Variants in CYP2C8 observed in about 807,000 individuals in gnomAD.
CYP2C8 encodes cytochrome P450 family 2 subfamily C member 8.
CYP2C8 carries 51 observed loss-of-function variants against 41.3 expected under a neutral mutation model. The observed-to-expected ratio is 1.24, with a 90% CI of 0.99 to 1.56. The LOEUF (loss-of-function observed/expected upper bound fraction) is 1.56, where lower values mean the gene tolerates loss of function less well. Among genes scored for constraint, CYP2C8 ranks in the 40% most tolerant of loss-of-function variants. The pLI, the probability that CYP2C8 is intolerant of heterozygous loss-of-function variation, is 0.00. For missense variants in CYP2C8, 651 were observed against 579.9 expected, an observed-to-expected ratio of 1.12 and a Z score of -1.26; for synonymous variants, 218 against 205.8, an observed-to-expected ratio of 1.06 and a Z score of -0.51.
At chr10:95,047,172 A>C (rs906800958) in intron 5 of CYP2C8, among the ~76,000 whole-genome samples, 9 of 152,224 alleles carry the variant, frequency 5.9e-5, no homozygotes, top group African/African-American at 1.7e-4. Flanking sequence ...GAGCAGATGC[A>C]AGCATCATGC....
intron 7 of CYP2C8, 97 bp from the exon 8 acceptor site, chr10:95,039,135 T>C: frequency 8.7e-7 from 1 of 1,154,242 alleles, no homozygotes; most frequent in Non-Finnish European, 1.3e-6. Context: ...GATCTATAGA[T>C]GAGGAAACTC....
At chr10:95,043,949 A>C (rs1424136546) in intron 6 of CYP2C8, among the ~76,000 whole-genome samples, 2 of 152,086 alleles carry the variant, frequency 1.3e-5, no homozygotes, top group Admixed American at 6.6e-5. Flanking sequence ...CTATTCTTCA[A>C]GTTAGAGTAT....
At chr10:95,069,158 G>A (rs1211170912) in intron 1 of CYP2C8, 77 bp downstream of exon 1, 1 of 1,476,736 alleles carries the variant, frequency 6.8e-7, no homozygotes, top group Non-Finnish European at 9.5e-7. Context: ...GTGCTTCCAG[G>A]AATATATTTT....
rs911202187 is a variant in CYP2C8, at chr10:95,049,286, C to G, written c.820-3335G>C. On this transcript the variant is annotated intron_variant, in intron 5 of 8. Transcript: ENST00000371270. ...TTAACAGCTATCTACACAAAATGTA[C>G]CTTCATAAGAACCAAAATCAGATGA... Among the ~76,000 whole-genome samples the G allele has an allele frequency of 7.9e-5, 12 of 152,190 alleles. 1 individual carries two copies. Among genetic ancestry groups the G allele is most frequent in the Admixed American group, 6.5e-4 (10 of 15,288 alleles).
chr10:95,042,149 C>A (rs1203918671), intron 7 of CYP2C8, among the ~76,000 whole-genome samples: 1 of 152,152 alleles, frequency 6.6e-6, no homozygotes, highest in East Asian at 1.9e-4. Flanking sequence ...CCTCTATCAC[C>A]AATTCTGTTC....
chr10:95,067,527 A>G lies in CYP2C8; in HGVS notation c.331+2T>C, dbSNP rs199931273. 9.9e-6 allele frequency: 16 copies of G among 1,614,000 alleles called. No individual in the cohort carries two copies. Among genetic ancestry groups the G allele is most frequent in the Non-Finnish European group, 1.2e-5 (14 of 1,180,014 alleles). On this transcript the variant is annotated splice_donor_variant, in intron 2 of 8. Transcript: ENST00000371270. LOFTEE classifies it high-confidence loss of function. ...AGCTGACACAGAAATATGTGCACCT[A>G]CCAAGTCCTTTAGTAATTCTTTGAG...
chr10:95,067,131 C>G (rs1368635438), intron 3 of CYP2C8, 77 bp downstream of exon 3: 9 of 1,604,686 alleles, frequency 5.6e-6, no homozygotes, highest in East Asian at 2.2e-5. Flanking sequence ...CCTGGCCACC[C>G]CTGAAATGTT....
chr10:95,044,542 T>C (rs912368145), intron 6 of CYP2C8, among the ~76,000 whole-genome samples: 2 of 152,200 alleles, frequency 1.3e-5, no homozygotes, highest in Non-Finnish European at 2.9e-5. Flanking sequence ...TCTAGCTGGC[T>C]GCTGAATGTC....
chr10:95,052,561 A>C (rs2033232611), intron 5 of CYP2C8, among the ~76,000 whole-genome samples: 1 of 152,190 alleles, frequency 6.6e-6, no homozygotes, highest in African/African-American at 2.4e-5. Flanking sequence ...ATAGCTGCAA[A>C]CCAAATTAAT....
At chr10:95,048,114 G>T (rs1044212295) in intron 5 of CYP2C8, among the ~76,000 whole-genome samples, 18 of 152,168 alleles carry the variant, frequency 1.2e-4, no homozygotes, top group African/African-American at 4.3e-4. Flanking sequence ...TTATTTGTGT[G>T]TATGTGTGTG....
chr10:95,046,748 T>TTA (rs781357370), intron 5 of CYP2C8, among the ~76,000 whole-genome samples: 2 of 128,984 alleles, frequency 1.6e-5, no homozygotes, highest in East Asian at 4.7e-4. Flanking sequence ...CTAAATATGG[T>TTA]AAAAAAAAAA....
At chr10:95,063,046 C>A (rs10882523) in intron 4 of CYP2C8, among the ~76,000 whole-genome samples, 97,329 of 151,962 alleles carry the variant, frequency 0.64, 31,878 homozygotes, top group African/African-American at 0.76. Context: ...GGGTAACCCG[C>A]CCTTTCTCAA....
At chr10:95,057,826 C>T (rs1431453776) in intron 5 of CYP2C8, among the ~76,000 whole-genome samples, 12 of 152,046 alleles carry the variant, frequency 7.9e-5, no homozygotes, top group Admixed American at 7.9e-4. Context: ...TAAATTAAAC[C>T]TTCTCTCTTC....
intron 1 of CYP2C8, among the ~76,000 whole-genome samples, chr10:95,068,840 C>T (rs2033622544): frequency 6.6e-6 from 1 of 152,160 alleles, no homozygotes; most frequent in Admixed American, 6.5e-5. Context: ...GCAGGCAGAT[C>T]ATGAGGTCAG....
chr10:95,058,460 T>G lies in CYP2C8; in HGVS notation c.694A>C (p.Lys232Gln). The G allele has an allele frequency of 6.2e-7, 1 of 1,613,370 alleles. No homozygotes were observed. Among genetic ancestry groups the G allele is most frequent in the Non-Finnish European group, 8.5e-7 (1 of 1,179,612 alleles). ...LIDCFPGTHN[K>Q]VLKNVALTRS... ...GTAAGAGCAACATTTTTAAGCACTT[T>G]GTTGTGAGTTCCTGGGAAACAATCA... Residue 232 changes from lysine (K) to glutamine (Q), a missense_variant, in exon 5 of 9, where the codon AAA (lysine) becomes CAA (glutamine). Transcript: ENST00000371270.
chr10:95,067,621 T>C lies in CYP2C8; in HGVS notation c.239A>G (p.Tyr80Cys). The C allele has an allele frequency of 6.2e-7, 1 of 1,614,194 alleles. No individual in the cohort carries two copies. Among genetic ancestry groups the C allele is most frequent in the Non-Finnish European group, 8.5e-7 (1 of 1,180,026 alleles). ...GMNPIVVFHG[Y>C]EAVKEALIDN... ...AATCAGGGCTTCCTTCACTGCCTCA[T>C]ATCCATGAAACACCACTATGGGATT... The change falls in exon 2 of 9, where the codon TAT (tyrosine) becomes TGT (cysteine). Residue 80 changes from tyrosine to cysteine, a missense_variant. Transcript: ENST00000371270.
intron 4 of CYP2C8, among the ~76,000 whole-genome samples, chr10:95,063,150 G>A (rs1461316695): frequency 6.6e-6 from 1 of 152,090 alleles, no homozygotes; most frequent in Non-Finnish European, 1.5e-5. Context: ...TATCTTTGTG[G>A]CGTTCTCTGT....
At chr10:95,045,551 A>T (rs1336606467) in intron 6 of CYP2C8, among the ~76,000 whole-genome samples, 1 of 152,176 alleles carries the variant, frequency 6.6e-6, no homozygotes, top group Non-Finnish European at 1.5e-5. Flanking sequence ...ACCACAAATT[A>T]CCTTTGCTGA....
intron 7 of CYP2C8, 73 bp from the exon 8 acceptor site, chr10:95,039,111 A>C: frequency 1.5e-6 from 2 of 1,365,974 alleles, no homozygotes; most frequent in African/African-American, 2.8e-5. Flanking sequence ...GACATCACGT[A>C]GCGCCATAAC....
Sources: gnomAD v4.1 joint callset for allele counts (sites outside exome capture counted in the v4.1 genomes callset) on GRCh38, gnomAD v4.1.1 for gene constraint, MANE v1.5 for transcripts, NCBI Gene and HGNC (gene_info 2026-07-23, HGNC 2026-07-21) for gene names.